CNTN4: variants seen among roughly 807,000 people sequenced by gnomAD.
CNTN4 encodes contactin 4.
Under a neutral mutation model 122.5 loss-of-function variants are expected in CNTN4, and 77 were observed. That is an observed-to-expected ratio of 0.63 (90% CI 0.52 to 0.76). The LOEUF is 0.76. CNTN4 is among the 30% of genes least tolerant of loss of function. The pLI is 0.00. For missense variants in CNTN4, 1,256 were observed against 1,259.1 expected, an observed-to-expected ratio of 1.00 and a Z score of 0.04; for synonymous variants, 512 against 447.0, an observed-to-expected ratio of 1.15 and a Z score of -1.83.
intron 3 of CNTN4, among the ~76,000 whole-genome samples, chr3:2,481,087 C>CTCTTTCTG (rs2075989692): frequency 1.7e-4 from 12 of 69,742 alleles, no homozygotes; most frequent in Non-Finnish European, 3.6e-4. Context: ...CTCTCTTTCT[C>CTCTTTCTG]TCTTTCTTTC....
At chr3:2,477,631 A>T (rs1418251513) in intron 3 of CNTN4, among the ~76,000 whole-genome samples, 3 of 152,222 alleles carry the variant, frequency 2.0e-5, no homozygotes, top group Admixed American at 6.5e-5. Flanking sequence ...TTTCTTATTC[A>T]CAGAATATAG....
Position 2,310,908 on chromosome 3 carries a change from C to G in CNTN4, c.-144-28270C>G, listed in dbSNP as rs977141920. Among the ~76,000 whole-genome samples, 26 of 152,084 alleles carry G rather than the reference C, an allele frequency of 1.7e-4. 1 individual carries two copies. Among genetic ancestry groups the G allele is most frequent in the Non-Finnish European group, 3.7e-4 (25 of 67,990 alleles). Reference sequence around the variant, plus strand: ...TAACTCTCAAATGATAGCTATTCAACCTGTCTTTCAAAGCAGTAGATGTGT... The same window carrying G: ...TAACTCTCAAATGATAGCTATTCAAGCTGTCTTTCAAAGCAGTAGATGTGT... On this transcript the variant is annotated intron_variant, in intron 2 of 24. Coordinates refer to ENST00000418658, the MANE Select transcript of CNTN4 (RefSeq NM_175607.3).
intron 2 of CNTN4, among the ~76,000 whole-genome samples, chr3:2,188,919 A>C (rs1481675374): frequency 1.3e-5 from 2 of 152,182 alleles, no homozygotes; most frequent in African/African-American, 4.8e-5. Flanking sequence ...AACTTTACTT[A>C]CACTGCAAAT....
In CNTN4 at chr3:2,967,613, G is replaced by A. The variant is rs557047174; in HGVS notation, c.1359-20732G>A. ...AACAAGGACAGCTTGGAGGTTAGAA[G>A]CAAGATGGAGCTGTTTAGGTCAGAT... is the stretch of plus-strand genomic sequence containing the variant. On this transcript the variant is annotated intron_variant, in intron 13 of 24. Coordinates refer to ENST00000418658, the MANE Select transcript of CNTN4 (RefSeq NM_175607.3). Among the ~76,000 whole-genome samples the A allele has an allele frequency of 2.0e-5, 3 of 152,254 alleles. No individual in the cohort carries two copies. In the East Asian group the frequency reaches 5.8e-4, roughly 29 times the overall value.
intron 13 of CNTN4, among the ~76,000 whole-genome samples, chr3:2,973,956 C>A (rs1231265464): frequency 6.6e-6 from 1 of 152,158 alleles, no homozygotes; most frequent in Non-Finnish European, 1.5e-5. Flanking sequence ...ATTGGCACTT[C>A]TCCAAGTACT....
intron 14 of CNTN4, among the ~76,000 whole-genome samples, chr3:2,998,115 C>G (rs1695692911): frequency 6.6e-6 from 1 of 152,168 alleles, no homozygotes; most frequent in Admixed American, 6.5e-5. Flanking sequence ...GAACATGTAT[C>G]TGCCTCCATT....
chr3:2,973,045 G>C (rs1019327075), intron 13 of CNTN4, among the ~76,000 whole-genome samples: 1 of 152,022 alleles, frequency 6.6e-6, no homozygotes, highest in East Asian at 1.9e-4. Context: ...GTCATCATGA[G>C]AATTATTTAT....
At chr3:2,627,625 T>C (rs55843111) in intron 4 of CNTN4, among the ~76,000 whole-genome samples, 9,423 of 151,528 alleles carry the variant, frequency 0.062, 322 homozygotes, top group Middle Eastern at 0.092. Flanking sequence ...TCCCGAGTAG[T>C]TGGGAATACA....
At chr3:2,593,725 C>CT (rs111955767) in intron 4 of CNTN4, among the ~76,000 whole-genome samples, 29,740 of 152,032 alleles carry the variant, frequency 0.2, 3,078 homozygotes, top group Middle Eastern at 0.23. Context: ...GTGTTAGCTG[C>CT]TTTTGGATTC....
chr3:2,961,097 A>T (rs190659680), intron 13 of CNTN4, among the ~76,000 whole-genome samples: 6 of 120,416 alleles, frequency 5.0e-5, no homozygotes, highest in Non-Finnish European at 9.0e-5. Context: ...GGGCGTGGTG[A>T]TGGGCGCCTG....
chr3:3,041,690 A>G (rs1378460767), intron 20 of CNTN4, among the ~76,000 whole-genome samples: 1 of 152,240 alleles, frequency 6.6e-6, no homozygotes, highest in Non-Finnish European at 1.5e-5. Flanking sequence ...GGGCAAGCAC[A>G]GTGGCTCATG....
intron 2 of CNTN4, among the ~76,000 whole-genome samples, chr3:2,329,116 A>G (rs191801520): frequency 2.7e-4 from 41 of 152,330 alleles, no homozygotes; most frequent in South Asian, 2.1e-4. Flanking sequence ...TAAATTTGCA[A>G]ATATTTACAA....
intron 6 of CNTN4, among the ~76,000 whole-genome samples, chr3:2,801,473 C>G (rs1356359014): frequency 6.6e-6 from 1 of 152,170 alleles, no homozygotes; most frequent in Non-Finnish European, 1.5e-5. Context: ...TTTGTAGCCT[C>G]ACACATCACT....
rs1248367543 is a variant in CNTN4, at chr3:2,746,199, G to T, written c.358+502G>T. ...AGAAATACTTTAACGATAAAGGTGA[G>T]AGTTGGAAAAAAACTCAGTAGTCAA... is the stretch of plus-strand genomic sequence containing the variant. On this transcript the variant is annotated intron_variant, in intron 6 of 24. Transcript: ENST00000418658. Among the ~76,000 whole-genome samples, 4 of 151,280 alleles carry T rather than the reference G, an allele frequency of 2.6e-5. No individual in the cohort carries two copies. The East Asian group carries it at 7.8e-4, about 29-fold the overall frequency.
At chr3:2,722,914 A>G (rs919278703) in intron 4 of CNTN4, among the ~76,000 whole-genome samples, 3 of 152,206 alleles carry the variant, frequency 2.0e-5, no homozygotes, top group African/African-American at 7.2e-5. Context: ...AAAAAGAACA[A>G]CTTTGTAATT....
intron 3 of CNTN4, among the ~76,000 whole-genome samples, chr3:2,569,160 G>A (rs1313857091): frequency 6.6e-6 from 1 of 151,778 alleles, no homozygotes; most frequent in African/African-American, 2.4e-5. Context: ...AGTCCCTTTT[G>A]TCTTCACAAT....
intron 4 of CNTN4, among the ~76,000 whole-genome samples, chr3:2,575,809 CTTTTTTTTTTTT>C (rs56303805): frequency 5.9e-5 from 6 of 101,238 alleles, no homozygotes; most frequent in Admixed American, 3.5e-4. Flanking sequence ...TCTTCTTCTT[CTTTTTTTTTTTT>C]TTTTTTTTTT....
chr3:2,406,570 A>G (rs578088294), intron 3 of CNTN4, among the ~76,000 whole-genome samples: 1 of 152,308 alleles, frequency 6.6e-6, no homozygotes, highest in African/African-American at 2.4e-5. Context: ...TGAAGAGTGT[A>G]TGGGAATTCT....
intron 2 of CNTN4, among the ~76,000 whole-genome samples, chr3:2,307,614 T>A (rs914847316): frequency 1.4e-4 from 11 of 80,140 alleles, no homozygotes; most frequent in African/African-American, 7.8e-4. Context: ...TCCTTGAGTG[T>A]TTTTTTATCA....
Sources: gnomAD v4.1 joint callset for allele counts (sites outside exome capture counted in the v4.1 genomes callset) on GRCh38, gnomAD v4.1.1 for gene constraint, MANE v1.5 for transcripts, NCBI Gene and HGNC (gene_info 2026-07-23, HGNC 2026-07-21) for gene names.